The following EPB41 variants were observed in gnomAD, a reference collection of about 807,000 sequenced individuals.
The protein encoded by EPB41 is protein 4.1.
In EPB41, 65 loss-of-function variants were observed where a neutral mutation model predicts 108.0. The observed-to-expected ratio is 0.60, with a 90% CI of 0.49 to 0.74. The LOEUF is 0.74. EPB41 is among the 30% of genes least tolerant of loss of function. The probability of loss-of-function intolerance (pLI) is 0.00; values close to 1 mark genes in which losing one functional copy is unlikely to be tolerated. For missense variants in EPB41, 875 were observed against 1,037.0 expected, an observed-to-expected ratio of 0.84 and a Z score of 2.15; for synonymous variants, 336 against 358.9, an observed-to-expected ratio of 0.94 and a Z score of 0.72.
At chr1:28,907,413 G>T (rs1169551582) in intron 1 of EPB41, among the ~76,000 whole-genome samples, 1 of 151,704 alleles carries the variant, frequency 6.6e-6, no homozygotes, top group African/African-American at 2.4e-5. Context: ...ACCCAGGCTG[G>T]TCTCAAACTC....
chr1:28,970,472 C>T (rs1344338462), intron 1 of EPB41, among the ~76,000 whole-genome samples: 1 of 152,148 alleles, frequency 6.6e-6, no homozygotes, highest in Non-Finnish European at 1.5e-5. Context: ...CCCTTTGTAG[C>T]TAGAAATCTT....
chr1:29,086,872 A>T (rs1267646495), intron 16 of EPB41, among the ~76,000 whole-genome samples: 1 of 149,886 alleles, frequency 6.7e-6, no homozygotes, highest in East Asian at 2.0e-4. Context: ...TTTTAGAAAA[A>T]TTTTCAGGAT....
At chr1:29,021,975 G>T (rs1056236733) in intron 7 of EPB41, among the ~76,000 whole-genome samples, 14 of 152,146 alleles carry the variant, frequency 9.2e-5, no homozygotes, top group Non-Finnish European at 2.9e-5. Flanking sequence ...TCTCAAAAAT[G>T]AAATGAGCTA....
chr1:28,987,433 A>C lies in EPB41; in HGVS notation c.-5A>C. The C allele has an allele frequency of 1.2e-6, 2 of 1,614,010 alleles. No homozygotes were observed. Among genetic ancestry groups the C allele is most frequent in the Non-Finnish European group, 1.7e-6 (2 of 1,179,882 alleles). ...CTTTTCTATCTTCTTTTTAATAGCA[A>C]CATCATGACAACAGAGAAGAGTTTA... On this transcript the variant is annotated splice_region_variant and 5_prime_UTR_variant, in exon 2 of 21. Transcript: ENST00000343067.
intron 2 of EPB41, among the ~76,000 whole-genome samples, chr1:28,992,920 T>G (rs1416676180): frequency 6.6e-6 from 1 of 152,216 alleles, no homozygotes; most frequent in African/African-American, 2.4e-5. Context: ...AATTTAAAAT[T>G]TAGAATATGT....
intron 16 of EPB41, among the ~76,000 whole-genome samples, chr1:29,085,062 A>G (rs1658207382): frequency 6.6e-6 from 1 of 151,404 alleles, no homozygotes; most frequent in African/African-American, 2.4e-5. Context: ...ATGAATTGTG[A>G]TGTGATAGAA....
chr1:28,982,936 C>A (rs532930794), intron 1 of EPB41, among the ~76,000 whole-genome samples: 1 of 151,512 alleles, frequency 6.6e-6, no homozygotes, highest in Non-Finnish European at 1.5e-5. Context: ...TTTTAAATTC[C>A]TTTTTCCAGA....
At chr1:28,963,080 G>A (rs2095264869) in intron 1 of EPB41, among the ~76,000 whole-genome samples, 1 of 152,006 alleles carries the variant, frequency 6.6e-6, no homozygotes, top group Admixed American at 6.6e-5. Flanking sequence ...GAACTAAATT[G>A]TAATTACATT....
chr1:29,068,904 A>G, intron 16 of EPB41: 3 of 842,298 alleles, frequency 3.6e-6, no homozygotes, highest in Non-Finnish European at 4.7e-6. Context: ...TTTTGGCTAT[A>G]CTAGTAAATT....
At chr1:29,054,956 T>C (rs1645120162) in intron 12 of EPB41, among the ~76,000 whole-genome samples, 1 of 152,206 alleles carries the variant, frequency 6.6e-6, no homozygotes, top group Non-Finnish European at 1.5e-5. Flanking sequence ...GAGAATTGCT[T>C]GAACCTGGGA....
intron 3 of EPB41, among the ~76,000 whole-genome samples, chr1:28,995,390 C>T (rs559453613): frequency 1.1e-4 from 17 of 152,152 alleles, no homozygotes; most frequent in Admixed American, 2.0e-4. Context: ...GGTGAAACCC[C>T]GTCTCTACTA....
intron 1 of EPB41, among the ~76,000 whole-genome samples, chr1:28,919,348 G>A (rs760102845): frequency 7.2e-5 from 11 of 152,144 alleles, no homozygotes; most frequent in Non-Finnish European, 2.9e-5. Context: ...CGCTAGCTTC[G>A]TCAGCTTCCC....
chr1:29,044,992 G>T (rs1007410208), intron 11 of EPB41, among the ~76,000 whole-genome samples: 2 of 152,112 alleles, frequency 1.3e-5, no homozygotes, highest in African/African-American at 4.8e-5. Context: ...GTGTACCCTT[G>T]TGTCAATACC....
chr1:28,921,520 C>A (rs749338151), intron 1 of EPB41, among the ~76,000 whole-genome samples: 1 of 151,908 alleles, frequency 6.6e-6, no homozygotes, highest in Non-Finnish European at 1.5e-5. Flanking sequence ...TTTCAGCATG[C>A]GATAGGGACA....
Position 28,887,794 on chromosome 1 carries a change from C to T in EPB41, c.-8+584C>T. The T allele has an allele frequency of 2.0e-6, 1 of 497,536 alleles. No individual in the cohort carries two copies. Among genetic ancestry groups the T allele is most frequent in the Non-Finnish European group, 2.6e-6 (1 of 383,660 alleles). The allele number at this position is 497,536 out of a possible 1,614,324, so 30.8% of individuals were successfully genotyped here. A position where few individuals can be genotyped will look rare whatever the true frequency, so the allele number is the denominator to read the frequency against. On this transcript the variant is annotated intron_variant, in intron 1 of 16. Transcript: ENST00000347529. The surrounding 1 kb of genome is among the most constrained non-coding windows in gnomAD (Gnocchi z 4.9). The stretch of plus-strand genomic sequence containing the variant: ...TGGCCCCCCCGGCCGTCGCGCCAGC[C>T]CCACACCCTCCCTGCCAGGCTTGGT...
In EPB41 at chr1:28,999,386, A is replaced by G. The variant is rs531766895; in HGVS notation, c.786+2067A>G. Among the ~76,000 whole-genome samples, 7 of 152,322 alleles carry G rather than the reference A, an allele frequency of 4.6e-5. No homozygotes were observed. The South Asian group carries it at 1.4e-3, about 32-fold the overall frequency. ...CTCCATCTCAAAAAAAAGAAAAAAG[A>G]AAATTCTCCCATGAATCAAGGGAAA... On this transcript the variant is annotated intron_variant, in intron 4 of 20. Transcript: ENST00000343067.
At chr1:29,110,106 C>A (rs1035207230) in intron 18 of EPB41, among the ~76,000 whole-genome samples, 6 of 151,190 alleles carry the variant, frequency 4.0e-5, no homozygotes, top group Admixed American at 6.6e-5. Flanking sequence ...GAGGCTGAGA[C>A]AGGTGGATCC....
At chr1:28,985,519 A>G (rs2095853412) in intron 1 of EPB41, among the ~76,000 whole-genome samples, 1 of 152,196 alleles carries the variant, frequency 6.6e-6, no homozygotes, top group Non-Finnish European at 1.5e-5. Context: ...TACTTCAGCT[A>G]GGTTATGTAG....
chr1:28,973,660 G>A (rs1470505784), intron 1 of EPB41, among the ~76,000 whole-genome samples: 2 of 152,158 alleles, frequency 1.3e-5, no homozygotes, highest in African/African-American at 4.8e-5. Context: ...CTCCCAGAGT[G>A]TTGGAATTAT....
Sources: gnomAD v4.1 joint callset for allele counts (sites outside exome capture counted in the v4.1 genomes callset) on GRCh38, gnomAD v4.1.1 for gene constraint, Gnocchi (gnomAD v3.1) non-coding constraint, MANE v1.5 for transcripts, NCBI Gene and HGNC (gene_info 2026-07-23, HGNC 2026-07-21) for gene names.